Variants in HYDIN observed in about 807,000 individuals in gnomAD.
HYDIN encodes HYDIN axonemal central pair apparatus protein, also known as axonemal central pair apparatus protein HYDIN.
Under a neutral mutation model 403.9 loss-of-function variants are expected in HYDIN, and 132 were observed. The ratio of observed to expected loss-of-function variants is 0.33; its 90% CI spans 0.28 to 0.38. HYDIN has a LOEUF of 0.38. Among genes scored for constraint, HYDIN ranks in the 10% least tolerant of loss-of-function variants. The probability of loss-of-function intolerance (pLI) is 1.00; values close to 1 mark genes in which losing one functional copy is unlikely to be tolerated. For synonymous variants in HYDIN, 1,202 were observed against 1,891.7 expected, an observed-to-expected ratio of 0.64 and a Z score of 9.46; for missense variants, 2,827 against 5,009.5, an observed-to-expected ratio of 0.56 and a Z score of 13.15.
At chr16:70,942,464 A>C (rs1377659660) in intron 42 of HYDIN, among the ~76,000 whole-genome samples, 12 of 152,230 alleles carry the variant, frequency 7.9e-5, no homozygotes. Context: ...TCCCAAGCAC[A>C]GAGTCACAGG....
chr16:70,948,351 A>C (rs1275319351), intron 41 of HYDIN, among the ~76,000 whole-genome samples: 1 of 152,176 alleles, frequency 6.6e-6, no homozygotes, highest in African/African-American at 2.4e-5. Context: ...AACCATAACA[A>C]CCCTAGAAAA....
intron 27 of HYDIN, 56 bp from the exon 28 acceptor site, chr16:70,985,378 C>A (rs1289318379): frequency 3.0e-5 from 31 of 1,023,314 alleles, no homozygotes; most frequent in Non-Finnish European, 8.6e-6. Context: ...TTGATAGTGA[C>A]AAAGGTGCAG....
chr16:70,970,393 T>C (rs2078698825), intron 36 of HYDIN, 127 bp downstream of exon 36: 1 of 560,084 alleles, frequency 1.8e-6, no homozygotes, highest in East Asian at 2.9e-5. Context: ...GTCTAGGATT[T>C]TACTCAGGTC....
chr16:71,067,646 C>T (rs2082320469), intron 14 of HYDIN, among the ~76,000 whole-genome samples: 1 of 151,844 alleles, frequency 6.6e-6, no homozygotes, highest in South Asian at 2.1e-4. Flanking sequence ...GTCAAAGAAG[C>T]CACATACCTG....
At chr16:70,844,825 T>C (rs1212678928) in intron 75 of HYDIN, among the ~76,000 whole-genome samples, 1 of 151,328 alleles carries the variant, frequency 6.6e-6, no homozygotes, top group Non-Finnish European at 1.5e-5. Context: ...GGGAGTTCAC[T>C]CATGATTTGG....
intron 4 of HYDIN, among the ~76,000 whole-genome samples, chr16:71,177,181 C>T (rs979275541): frequency 3.9e-5 from 6 of 152,316 alleles, no homozygotes; most frequent in Admixed American, 1.3e-4. Flanking sequence ...GCAGACAAAA[C>T]TCACACGTGC....
chr16:71,032,475 G>C (rs1232440762), intron 18 of HYDIN, among the ~76,000 whole-genome samples: 16 of 150,998 alleles, frequency 1.1e-4, no homozygotes, highest in African/African-American at 3.6e-4. Flanking sequence ...AATTTCATTA[G>C]CTAAAATTGC....
chr16:70,956,792 T>A (rs927184772), intron 39 of HYDIN, among the ~76,000 whole-genome samples: 7 of 152,034 alleles, frequency 4.6e-5, no homozygotes, highest in Admixed American at 3.9e-4. Flanking sequence ...CCTCCAGACC[T>A]ATGGGAGTAT....
At chr16:70,815,592 A>C (rs1352629204) in intron 84 of HYDIN, among the ~76,000 whole-genome samples, 1 of 151,824 alleles carries the variant, frequency 6.6e-6, no homozygotes. Context: ...CAAAATCATT[A>C]GTAGAGACAA....
chr16:71,194,769 C>A (rs1250814735), intron 1 of HYDIN, among the ~76,000 whole-genome samples: 1 of 152,218 alleles, frequency 6.6e-6, no homozygotes, highest in African/African-American at 2.4e-5. Flanking sequence ...AAGATACAGC[C>A]AGGTCTACAG....
At chr16:70,945,873 G>A (rs1246918059) in intron 41 of HYDIN, among the ~76,000 whole-genome samples, 1 of 152,170 alleles carries the variant, frequency 6.6e-6, no homozygotes, top group African/African-American at 2.4e-5. Flanking sequence ...GGCCCCACTG[G>A]AAGCAGTGAA....
chr16:71,011,199 G>A (rs2080070306), intron 23 of HYDIN, among the ~76,000 whole-genome samples: 1 of 151,994 alleles, frequency 6.6e-6, no homozygotes, highest in Non-Finnish European at 1.5e-5. Context: ...CCACCAATTT[G>A]GGAGTGCTTG....
intron 60 of HYDIN, among the ~76,000 whole-genome samples, chr16:70,882,036 A>G (rs9929502): frequency 0.035 from 5,252 of 151,994 alleles, 59 homozygotes; most frequent in African/African-American, 0.12. Flanking sequence ...GCCCCCTGAG[A>G]TGGGCAATTA....
intron 8 of HYDIN, chr16:71,131,845 T>C (rs901160410): frequency 1.8e-4 from 27 of 151,264 alleles, no homozygotes; most frequent in African/African-American, 6.6e-4. Flanking sequence ...CTAACCAATA[T>C]GCACACTGCC....
intron 14 of HYDIN, among the ~76,000 whole-genome samples, chr16:71,067,658 A>G (rs1038584859): frequency 1.3e-5 from 2 of 152,122 alleles, no homozygotes; most frequent in African/African-American, 2.4e-5. Context: ...ACATACCTGC[A>G]TAAGGGGAAA....
chr16:70,900,464 G>A (rs1469418053), intron 53 of HYDIN, among the ~76,000 whole-genome samples: 5 of 141,722 alleles, frequency 3.5e-5, no homozygotes, highest in African/African-American at 1.4e-4. Context: ...GTGACAGAGC[G>A]AGACTCCATC....
chr16:71,191,209 C>T (rs776859095), intron 1 of HYDIN, among the ~76,000 whole-genome samples: 4 of 152,164 alleles, frequency 2.6e-5, no homozygotes, highest in Non-Finnish European at 4.4e-5. Flanking sequence ...ATTAGTGTTG[C>T]TATTGTTGTT....
At chr16:70,951,256 G>C (rs945165110) in intron 41 of HYDIN, among the ~76,000 whole-genome samples, 16 of 150,202 alleles carry the variant, frequency 1.1e-4, no homozygotes, top group Admixed American at 2.6e-4. Flanking sequence ...GACAGAGAGA[G>C]AGAGAGAGAG....
chr16:70,892,483 T>C lies in HYDIN; in HGVS notation c.9295A>G (p.Met3099Val), dbSNP rs756286623. 3.8e-6 allele frequency: 6 copies of C among 1,598,388 alleles called. No homozygotes were observed. The highest frequency in any genetic ancestry group is 4.3e-6 in the Non-Finnish European group (5 of 1,174,890). Reference protein sequence around the residue: ...VGISTPNINSMISVQPKKGSL... With the variant: ...VGISTPNINSVISVQPKKGSL... ...CCCTTTTTGGGTTGGACTGAGATCA[T>C]GGAATTTATATTAGGTGTTGAAATC... Residue 3099 changes from methionine to valine, a missense_variant, in exon 56 of 86, where the codon ATG becomes GTG. Coordinates refer to ENST00000393567, the MANE Select transcript of HYDIN (RefSeq NM_001270974.2).
Sources: allele counts gnomAD v4.1 joint callset (sites outside exome capture counted in the v4.1 genomes callset), GRCh38; gene constraint gnomAD v4.1.1; transcripts MANE v1.5; gene names NCBI Gene and HGNC (gene_info 2026-07-23, HGNC 2026-07-21).